Variants in KLHL1 observed in about 807,000 individuals in gnomAD.
The protein encoded by KLHL1 is kelch like family member 1.
In KLHL1, 47 loss-of-function variants were observed where a neutral mutation model predicts 77.7. That is an observed-to-expected ratio of 0.60 (90% confidence interval 0.48 to 0.77). The LOEUF is 0.77. Among genes scored for constraint, KLHL1 ranks in the 30% least tolerant of loss-of-function variants. The probability of loss-of-function intolerance (pLI) is 0.00; values close to 1 mark genes in which losing one functional copy is unlikely to be tolerated. For synonymous variants in KLHL1, 360 were observed against 325.2 expected, an observed-to-expected ratio of 1.11 and a Z score of -1.15; for missense variants, 925 against 910.8, an observed-to-expected ratio of 1.02 and a Z score of -0.20.
chr13:69,820,621 C>G (rs1190754726), intron 6 of KLHL1, among the ~76,000 whole-genome samples: 1 of 152,114 alleles, frequency 6.6e-6, no homozygotes, highest in African/African-American at 2.4e-5. Flanking sequence ...ACTTTCATAC[C>G]AAGTTAGTTG....
At chr13:70,080,226 T>C (rs922746397) in intron 1 of KLHL1, among the ~76,000 whole-genome samples, 3 of 152,122 alleles carry the variant, frequency 2.0e-5, no homozygotes, top group African/African-American at 7.2e-5. Context: ...GGGAACGAAT[T>C]TGAGGAGCAT....
chr13:69,944,411 T>A (rs1210316592), intron 3 of KLHL1, among the ~76,000 whole-genome samples: 1 of 152,206 alleles, frequency 6.6e-6, no homozygotes, highest in African/African-American at 2.4e-5. Flanking sequence ...CATAGGTAGT[T>A]TACCTTTTCT....
chr13:69,917,457 G>A (rs149019425), intron 4 of KLHL1, among the ~76,000 whole-genome samples: 1,846 of 152,028 alleles, frequency 0.012, 41 homozygotes, highest in African/African-American at 0.042. Context: ...GAAAACCCCC[G>A]TCCCAGTGAG....
At chr13:69,884,374 T>C (rs967370656) in intron 4 of KLHL1, among the ~76,000 whole-genome samples, 4 of 151,342 alleles carry the variant, frequency 2.6e-5, no homozygotes, top group Non-Finnish European at 4.4e-5. Context: ...CCCATAACTG[T>C]TCAGGTAATT....
chr13:69,741,755 G>A (rs781345360), intron 7 of KLHL1, among the ~76,000 whole-genome samples: 3 of 152,046 alleles, frequency 2.0e-5, no homozygotes, highest in Non-Finnish European at 4.4e-5. Flanking sequence ...GTAAATCTTC[G>A]ATAAAACCTC....
intron 1 of KLHL1, among the ~76,000 whole-genome samples, chr13:70,055,739 T>C (rs1886729205): frequency 6.6e-6 from 1 of 151,968 alleles, no homozygotes; most frequent in Non-Finnish European, 1.5e-5. Context: ...GCAATGAGAG[T>C]TGTCATCAGT....
intron 4 of KLHL1, among the ~76,000 whole-genome samples, chr13:69,889,176 A>G (rs1881334327): frequency 6.6e-6 from 1 of 152,206 alleles, no homozygotes; most frequent in East Asian, 1.9e-4. Context: ...TTGCACTGAC[A>G]TATTGCTGTC....
chr13:69,714,043 T>G (rs1289675658), intron 9 of KLHL1, among the ~76,000 whole-genome samples: 3 of 152,182 alleles, frequency 2.0e-5, no homozygotes, highest in African/African-American at 4.8e-5. Flanking sequence ...TTTGATATAC[T>G]TATTGATATT....
intron 1 of KLHL1, among the ~76,000 whole-genome samples, chr13:70,055,320 T>A (rs190423161): frequency 7.6e-4 from 116 of 152,234 alleles, no homozygotes; most frequent in African/African-American, 2.6e-3. Context: ...TAAAAAAGTA[T>A]ATAATTTCCT....
chr13:69,870,632 A>G lies in KLHL1; in HGVS notation c.1227+11651T>C, dbSNP rs74092640. On this transcript the variant is annotated intron_variant, in intron 5 of 10. Coordinates refer to ENST00000377844, the MANE Select transcript of KLHL1 (RefSeq NM_020866.3). The stretch of plus-strand genomic sequence containing the variant: ...GTTACAGCTGTGATCCTACAAAATA[A>G]AAATATATATATATTATTTATTTCC... Among the ~76,000 whole-genome samples, 160 of 152,088 alleles carry G rather than the reference A, an allele frequency of 1.1e-3. 1 individual carries two copies. The highest frequency in any genetic ancestry group is 3.5e-3 in the African/African-American group (147 of 41,506).
chr13:69,829,983 C>A (rs1878697816), intron 6 of KLHL1, among the ~76,000 whole-genome samples: 1 of 149,738 alleles, frequency 6.7e-6, no homozygotes, highest in African/African-American at 2.5e-5. Context: ...TCAAAATACA[C>A]CAAAATAGAA....
rs71196263 is a variant in KLHL1 at position 69,764,929 on chromosome 13, C to CTTTTTTTTTT, written c.1640-24383_1640-24374dup. ...TCTCATGCTTTCATGTATATCTTTGCTTTTTTTTTTTTTTTTTTTTTTTTT... is the reference window on the plus strand; with the variant it reads ...TCTCATGCTTTCATGTATATCTTTGCTTTTTTTTTTTTTTTTTTTTTTTTTTTTTTTTTTT... On this transcript the variant is annotated intron_variant, in intron 7 of 10. Transcript: ENST00000377844. 2.2e-3 allele frequency among the ~76,000 whole-genome samples: 87 copies of CTTTTTTTTTT among 39,726 alleles called. 36 individuals carry two copies. The highest frequency in any genetic ancestry group is 2.8e-3 in the Non-Finnish European group (62 of 22,404). The allele number at this position is 39,726 out of a possible 152,430, so 26.1% of individuals were successfully genotyped here.
intron 9 of KLHL1, among the ~76,000 whole-genome samples, chr13:69,710,493 T>C (rs1875824176): frequency 2.0e-5 from 3 of 151,918 alleles, no homozygotes; most frequent in Admixed American, 2.0e-4. Context: ...AAAATCTGAG[T>C]GACCTGACAT....
intron 7 of KLHL1, among the ~76,000 whole-genome samples, chr13:69,740,981 A>T (rs762663481): frequency 6.6e-6 from 1 of 152,080 alleles, no homozygotes; most frequent in Non-Finnish European, 1.5e-5. Flanking sequence ...GCATTTCTAC[A>T]CTGCTATTTA....
At chr13:69,783,308 G>A (rs1394486907) in intron 7 of KLHL1, among the ~76,000 whole-genome samples, 2 of 152,298 alleles carry the variant, frequency 1.3e-5, no homozygotes, top group African/African-American at 4.8e-5. Flanking sequence ...ACCAGCAATA[G>A]AACAAAGCTG....
At chr13:70,084,452 T>G (rs1346240261) in intron 1 of KLHL1, among the ~76,000 whole-genome samples, 5 of 89,968 alleles carry the variant, frequency 5.6e-5, no homozygotes, top group Non-Finnish European at 9.2e-5. Flanking sequence ...TTCTAGTCTA[T>G]TTCTTCTTCT....
chr13:69,935,952 A>G (rs1001833041), intron 4 of KLHL1, among the ~76,000 whole-genome samples: 2 of 152,184 alleles, frequency 1.3e-5, no homozygotes, highest in Admixed American at 6.6e-5. Context: ...AATCCGCAAT[A>G]TATTTGTAAA....
intron 7 of KLHL1, among the ~76,000 whole-genome samples, chr13:69,786,889 G>T (rs1424539095): frequency 3.3e-5 from 5 of 152,192 alleles, no homozygotes; most frequent in Non-Finnish European, 7.4e-5. Flanking sequence ...GAATCATGAG[G>T]GAACTCCCAT....
At chr13:69,814,935 C>G (rs1448058511) in intron 6 of KLHL1, among the ~76,000 whole-genome samples, 1 of 152,004 alleles carries the variant, frequency 6.6e-6, no homozygotes, top group Non-Finnish European at 1.5e-5. Flanking sequence ...TGCTTGAACC[C>G]AGGAGGCGGA....
Sources: gnomAD v4.1 joint callset for allele counts (sites outside exome capture counted in the v4.1 genomes callset) on GRCh38, gnomAD v4.1.1 for gene constraint, MANE v1.5 for transcripts, NCBI Gene and HGNC (gene_info 2026-07-23, HGNC 2026-07-21) for gene names.